Variants in TMEM129 observed in about 807,000 individuals in gnomAD.
The protein encoded by TMEM129 is transmembrane protein 129, E3 ubiquitin ligase.
In TMEM129, 35 loss-of-function variants were observed where a neutral mutation model predicts 34.1. The ratio of observed to expected loss-of-function variants is 1.03; its 90% CI spans 0.78 to 1.36. TMEM129 has a LOEUF of 1.36. Ranked by LOEUF, TMEM129 falls within the 40% of genes most tolerant of loss-of-function variation. The pLI is 0.00. For missense variants in TMEM129, 504 were observed against 512.6 expected (o/e 0.98, Z 0.16); for synonymous variants, 239 against 217.3 (o/e 1.10, Z -0.88).
chr4:1,719,898 G>A (rs1022490154), intron 1 of TMEM129, among the ~76,000 whole-genome samples: 12 of 152,302 alleles, frequency 7.9e-5, no homozygotes, highest in Middle Eastern at 6.8e-3. Flanking sequence ...GATGTGGAGG[G>A]TCACCCCTCT....
rs1286191851 is a variant in TMEM129 at position 1,718,371 on chromosome 4, T to G, written c.461A>C (p.Lys154Thr). The change falls in exon 2 of 4, where the codon AAG becomes ACG. Residue 154 changes from lysine (K) to threonine (T), a missense_variant. By Grantham distance (78) the Lys-to-Thr change is moderately conservative. Coordinates refer to ENST00000382936, the MANE Select transcript of TMEM129 (RefSeq NM_001127266.2). ...GGCACCTGGTGCACCGGTGGCAAAC[T>G]TGTCAATCCGCCGGAACTCAGTGTT... ...SVNTEFRRID[K>T]FATGAPGARV... The G allele has an allele frequency of 2.5e-6, 4 of 1,612,552 alleles. No homozygotes were observed. In the East Asian group the frequency reaches 8.9e-5, roughly 36 times the overall value.
rs1717014851 is a variant in TMEM129 at position 1,717,320 on chromosome 4, T to G, written c.949A>C (p.Met317Leu). The part of the protein sequence containing the change: ...GECQQCYCRP[M>L]WCLTCMGKWF... ...TTGCCCATGCAGGTGAGGCACCACA[T>G]GGGGCGGCAGTAACACTGCTGGCAC... Residue 317 changes from methionine to leucine, a missense_variant, in exon 4 of 4, where the codon ATG becomes CTG. By Grantham distance (15) the Met-to-Leu change is conservative (BLOSUM62 2). Transcript: ENST00000382936. 6.5e-7 allele frequency: 1 copy of G among 1,536,636 alleles called. No individual in the cohort carries two copies. Among genetic ancestry groups the G allele is most frequent in the African/African-American group, 1.4e-5 (1 of 72,812 alleles).
chr4:1,718,404 G>T lies in TMEM129; in HGVS notation c.428C>A (p.Ser143Tyr). ...CCGCCGGAACTCAGTGTTGACAGAG[G>T]AGGCAACAGCCTGCCAGCCAGACTG... is the stretch of plus-strand genomic sequence containing the variant. ...LPQSGWQAVA[S>Y]SVNTEFRRID... Residue 143 changes from serine to tyrosine, a missense_variant, in exon 2 of 4, where the codon TCC (serine) becomes TAC (tyrosine). Coordinates refer to ENST00000382936, the MANE Select transcript of TMEM129 (RefSeq NM_001127266.2). The T allele has an allele frequency of 6.2e-7, 1 of 1,605,954 alleles. No individual in the cohort carries two copies. The highest frequency in any genetic ancestry group is 8.5e-7 in the Non-Finnish European group (1 of 1,176,372).
In TMEM129 at chr4:1,721,199, A is replaced by G. The variant is rs1354552837; in HGVS notation, c.-362T>C. 1.1e-5 allele frequency: 2 copies of G among 179,278 alleles called. No individual in the cohort carries two copies. Among genetic ancestry groups the G allele is most frequent in the Admixed American group, 1.3e-4 (2 of 15,910 alleles). 11.1% of individuals were successfully genotyped at this position (179,278 alleles called of 1,614,324 possible). Reference sequence around the variant, plus strand: ...CCTGGAGGCGGCACCGCACCTGTGCATTGAGCACAGGTGGGGAAACTTAGG... The same window carrying G: ...CCTGGAGGCGGCACCGCACCTGTGCGTTGAGCACAGGTGGGGAAACTTAGG... On this transcript the variant is annotated 5_prime_UTR_variant, in exon 1 of 4. It removes an upstream start codon present in the reference 5' UTR. Transcript: ENST00000382936.
intron 2 of TMEM129, 191 bp from the exon 3 acceptor site, chr4:1,717,866 C>T (rs771281090): frequency 4.0e-5 from 31 of 781,350 alleles, no homozygotes; most frequent in Non-Finnish European, 5.9e-5. Flanking sequence ...AGCAAGGCAG[C>T]TGTCCAGCCT....
chr4:1,717,815 C>T, intron 2 of TMEM129, 140 bp from the exon 3 acceptor site: 5 of 1,235,178 alleles, frequency 4.0e-6, no homozygotes, highest in Non-Finnish European at 5.4e-6. Context: ...CCCACGGACC[C>T]AGTGCCAGAC....
rs1717076615 is a variant in TMEM129, at chr4:1,718,242, T to C, written c.590A>G (p.His197Arg). The change falls in exon 2 of 4, where the codon CAT (histidine) becomes CGT (arginine). Residue 197 changes from histidine (H) to arginine (R), a missense_variant. His to Arg is a conservative substitution (Grantham distance 29). Transcript: ENST00000382936. ...VHLTVTESRQHELSPDSNLPV... is the reference protein window; with the variant it reads ...VHLTVTESRQRELSPDSNLPV... Reference sequence around the variant, plus strand: ...CAAGTTCGAGTCTGGCGAGAGCTCATGCTGCCGAGACTCCGTCACAGTCAG... The same window carrying C: ...CAAGTTCGAGTCTGGCGAGAGCTCACGCTGCCGAGACTCCGTCACAGTCAG... 1 of 1,607,276 alleles carries C rather than the reference T, an allele frequency of 6.2e-7. No individual in the cohort carries two copies.
rs1023105214 is a variant in TMEM129 at position 1,716,891 on chromosome 4, T to C, written c.*289A>G. On this transcript the variant is annotated 3_prime_UTR_variant, in exon 4 of 4. Coordinates refer to ENST00000382936, the MANE Select transcript of TMEM129 (RefSeq NM_001127266.2). ...CAGGGAATGGCTCGGGGGCAGACGC[T>C]GTGTCTGTGTGTGCAGGATCTGCCC... is the stretch of plus-strand genomic sequence containing the variant. 8.0e-6 allele frequency: 3 copies of C among 375,952 alleles called. No homozygotes were observed. Among genetic ancestry groups the C allele is most frequent in the Admixed American group, 9.1e-5 (2 of 21,946 alleles). The allele number at this position is 375,952 out of a possible 1,614,324, so 23.3% of individuals were successfully genotyped here.
chr4:1,719,103 A>G, intron 1 of TMEM129: 2 of 1,225,008 alleles, frequency 1.6e-6, no homozygotes, highest in Non-Finnish European at 2.2e-6. Flanking sequence ...AGCCAGCTTC[A>G]GGGCCCTGCT....
rs1051909880 is a variant in TMEM129, at chr4:1,717,147, G to T, written c.*33C>A. 7 of 1,405,376 alleles carry T rather than the reference G, an allele frequency of 5.0e-6. No homozygotes were observed. In the African/African-American group the frequency reaches 5.8e-5, roughly 12 times the overall value. The allele number at this position is 1,405,376 out of a possible 1,614,324, so 87.1% of individuals were successfully genotyped here. A position where few individuals can be genotyped will look rare whatever the true frequency, so the allele number is the denominator to read the frequency against. On this transcript the variant is annotated 3_prime_UTR_variant, in exon 4 of 4. Transcript: ENST00000382936. ...CTTCCCTGCCCTGTGGCTTTGGGGG[G>T]AGACACAGAGTCACCTCAAGGCCCC...
In TMEM129 at chr4:1,720,459, CG is replaced by C. The variant is rs571941097; in HGVS notation, c.205+173del. Among the ~76,000 whole-genome samples the C allele has an allele frequency of 3.6e-3, 548 of 152,360 alleles. 5 individuals carry two copies. Among genetic ancestry groups the C allele is most frequent in the African/African-American group, 0.013 (526 of 41,584 alleles). ...GTCACCTGCAAGTCAGTGCCGGCGG[CG>C]CCCCTAAGCGCGCTCAGCCCACGCC... On this transcript the variant is annotated intron_variant, in intron 1 of 3. Transcript: ENST00000382936. This position sits in a 1 kb window ranked among gnomAD's most constrained non-coding sequence, Gnocchi z 4.4.
chr4:1,720,634 G>T lies in TMEM129; in HGVS notation c.204C>A (p.Leu68=). The T allele has an allele frequency of 6.5e-7, 1 of 1,539,056 alleles. No individual in the cohort carries two copies. Among genetic ancestry groups the T allele is most frequent in the Admixed American group, 2.0e-5 (1 of 50,852 alleles). ...GCCGGCCGGCCCGAGCAGCCTCACC[G>T]AGCGGCAGCAGCGAGTGGCACAACA... ...ATLLCHSLLP[L]GYYVGMCLAA... The change falls in exon 1 of 4, where the codon CTC becomes CTA. Residue 68 remains leucine (L), a splice_region_variant and synonymous_variant. Transcript: ENST00000382936. This position sits in a 1 kb window ranked among gnomAD's most constrained non-coding sequence, Gnocchi z 4.4.
chr4:1,717,168 G>T lies in TMEM129; in HGVS notation c.*12C>A, dbSNP rs555615534. 6 of 1,431,392 alleles carry T rather than the reference G, an allele frequency of 4.2e-6. No individual in the cohort carries two copies. The highest frequency in any genetic ancestry group is 5.5e-6 in the Non-Finnish European group (6 of 1,089,614). The allele number at this position is 1,431,392 out of a possible 1,614,324, so 88.7% of individuals were successfully genotyped here. On this transcript the variant is annotated 3_prime_UTR_variant, in exon 4 of 4. Transcript: ENST00000382936. Reference sequence around the variant, plus strand: ...GGGGGAGACACAGAGTCACCTCAAGGCCCCAGCCCACTCAGCGCACGGTGC... The same window carrying T: ...GGGGGAGACACAGAGTCACCTCAAGTCCCCAGCCCACTCAGCGCACGGTGC...
chr4:1,716,771 G>A lies in TMEM129; in HGVS notation c.*409C>T, dbSNP rs542763806. 3.4e-5 allele frequency: 6 copies of A among 175,352 alleles called. No homozygotes were observed. Among genetic ancestry groups the A allele is most frequent in the South Asian group, 2.0e-4 (1 of 5,080 alleles). The allele number at this position is 175,352 out of a possible 1,614,324, so 10.9% of individuals were successfully genotyped here. A position where few individuals can be genotyped will look rare whatever the true frequency, so the allele number is the denominator to read the frequency against. ...GCTCCAGGACAGGGCAGGAGAATGC[G>A]GTCCAGGTCTGGCACGTAACTGAGG... On this transcript the variant is annotated 3_prime_UTR_variant, in exon 4 of 4. Coordinates refer to ENST00000382936, the MANE Select transcript of TMEM129 (RefSeq NM_001127266.2).
rs1340590229 is a variant in TMEM129 at position 1,716,481 on chromosome 4, C to T, written c.*699G>A. ...TTTGGTCCTCAACTCAAACCCCCAC[C>T]CCTACCCAGGAGTCTGAGACCTCGG... On this transcript the variant is annotated 3_prime_UTR_variant, in exon 4 of 4. Transcript: ENST00000382936. The T allele has an allele frequency of 1.3e-5, 2 of 152,432 alleles. No individual in the cohort carries two copies. Among genetic ancestry groups the T allele is most frequent in the African/African-American group, 4.8e-5 (2 of 41,462 alleles). 9.4% of individuals were successfully genotyped at this position (152,432 alleles called of 1,614,324 possible).
intron 1 of TMEM129, 190 bp from the exon 2 acceptor site, chr4:1,718,816 G>T: frequency 7.1e-7 from 1 of 1,399,228 alleles, no homozygotes; most frequent in Non-Finnish European, 9.2e-7. Flanking sequence ...TATATTAGCG[G>T]AAAAGGTTTT....
chr4:1,719,803 C>A (rs1717187774), intron 1 of TMEM129, among the ~76,000 whole-genome samples: 1 of 152,164 alleles, frequency 6.6e-6, no homozygotes, highest in African/African-American at 2.4e-5. Flanking sequence ...CCCAGCCCAC[C>A]CTCTCCATGA....
rs913412627 is a variant in TMEM129 at position 1,717,615 on chromosome 4, T to A, written c.741A>T (p.Ala247=). Residue 247 remains alanine (A), a synonymous_variant, in exon 3 of 4, where the codon GCA becomes GCT. Transcript: ENST00000382936. ...GGCTCTGGTGGATGACCACATGGGC[T>A]GCCCTGCGGATGGGTGCCCGGAGCT... ...CEKLRAPIRR[A]AHVVIHQSLG... is the part of the protein sequence containing the mutation. The A allele has an allele frequency of 8.4e-6, 13 of 1,549,248 alleles. No individual in the cohort carries two copies. Among genetic ancestry groups the A allele is most frequent in the Non-Finnish European group, 1.1e-5 (13 of 1,146,114 alleles).
chr4:1,721,008 T>C lies in TMEM129; in HGVS notation c.-171A>G. On this transcript the variant is annotated 5_prime_UTR_variant, in exon 1 of 4. The change abolishes an upstream ATG in the 5' untranslated region. Coordinates refer to ENST00000382936, the MANE Select transcript of TMEM129 (RefSeq NM_001127266.2). ...GCCGCCCGCGGGGCACTCTAGGACA[T>C]GGAGTCCCGCCGCCCGGCCGCCCGC... 1 of 236,788 alleles carries C rather than the reference T, an allele frequency of 4.2e-6. No homozygotes were observed. Among genetic ancestry groups the C allele is most frequent in the Non-Finnish European group, 8.0e-6 (1 of 124,936 alleles). The allele number at this position is 236,788 out of a possible 1,614,324, so 14.7% of individuals were successfully genotyped here. A position where few individuals can be genotyped will look rare whatever the true frequency, so the allele number is the denominator to read the frequency against.
Sources: allele counts gnomAD v4.1 joint callset (sites outside exome capture counted in the v4.1 genomes callset), GRCh38; gene constraint gnomAD v4.1.1; non-coding constraint Gnocchi (gnomAD v3.1); transcripts MANE v1.5; gene names NCBI Gene and HGNC (gene_info 2026-07-23, HGNC 2026-07-21).